UGT1A7: variants seen among roughly 807,000 people sequenced by gnomAD.
UGT1A7 encodes UDP glucuronosyltransferase family 1 member A7, also known as UDP-glucuronosyltransferase 1A7.
In UGT1A7, 33 loss-of-function variants were observed where a neutral mutation model predicts 45.6. That is an observed-to-expected ratio of 0.72 (90% CI 0.55 to 0.97). UGT1A7 has a LOEUF of 0.97. Among genes scored for constraint, UGT1A7 ranks in the 50% least tolerant of loss-of-function variants. The pLI is 0.00. For missense variants in UGT1A7, 684 were observed against 666.2 expected, an observed-to-expected ratio of 1.03 and a Z score of -0.29; for synonymous variants, 274 against 250.6, an observed-to-expected ratio of 1.09 and a Z score of -0.88.
At chr2:233,759,870 C>G (rs1487937360) in intron 1 of UGT1A7, among the ~76,000 whole-genome samples, 1 of 152,172 alleles carries the variant, frequency 6.6e-6, no homozygotes, top group African/African-American at 2.4e-5. Context: ...AGCGGGGGTA[C>G]AGTTGTGTTC....
intron 1 of UGT1A7, chr2:233,717,940 C>T: frequency 2.2e-6 from 1 of 453,716 alleles, no homozygotes; most frequent in Non-Finnish European, 4.4e-6. Context: ...AGTCTCTATG[C>T]AGACTTGCAG....
Position 233,768,428 on chromosome 2 carries a change from C to T in UGT1A7, c.1284C>T (p.Ile428=), listed in dbSNP as rs1559415864. The T allele has an allele frequency of 6.2e-7, 1 of 1,613,856 alleles. No homozygotes were observed. Among genetic ancestry groups the T allele is most frequent in the Non-Finnish European group, 8.5e-7 (1 of 1,179,916 alleles). ...TAGAAAATGCTCTAAAAGCAGTCATCAATGACAAAAGGTAAGAAAGAAGAT... is the reference window on the plus strand; with the variant it reads ...TAGAAAATGCTCTAAAAGCAGTCATTAATGACAAAAGGTAAGAAAGAAGAT... ...EDLENALKAV[I]NDKSYKENIM... is the part of the protein sequence containing the mutation. The change falls in exon 4 of 5, where the codon ATC becomes ATT. Residue 428 remains isoleucine, a synonymous_variant. Coordinates refer to ENST00000373426, the MANE Select transcript of UGT1A7 (RefSeq NM_019077.3).
chr2:233,767,285 T>C (rs1440125583), intron 2 of UGT1A7, 120 bp downstream of exon 2: 1 of 1,569,258 alleles, frequency 6.4e-7, no homozygotes, highest in Non-Finnish European at 8.6e-7. Flanking sequence ...CCCTGCCACT[T>C]CCCAACTATT....
intron 1 of UGT1A7, among the ~76,000 whole-genome samples, chr2:233,763,394 A>G (rs567930530): frequency 6.6e-6 from 1 of 152,328 alleles, no homozygotes; most frequent in South Asian, 2.1e-4. Context: ...TTTAAACAAC[A>G]TGGCACTGGT....
chr2:233,763,329 T>A (rs752568926), intron 1 of UGT1A7, among the ~76,000 whole-genome samples: 30 of 152,234 alleles, frequency 2.0e-4, no homozygotes, highest in Non-Finnish European at 3.5e-4. Context: ...ATTATTTTTG[T>A]TTACATTTCC....
At position 233,682,241 on chromosome 2, in the gene UGT1A7, T is replaced by C. The variant is rs765671686; in HGVS notation, c.304T>C (p.Leu102=). Residue 102 remains leucine (L), a synonymous_variant, in exon 1 of 5, where the codon TTG becomes CTG. Transcript: ENST00000373426. The part of the protein sequence containing the change: ...VFADARWTAP[L]RSAFSLLTSS... ...TGCCGATGCTCGCTGGACGGCACCA[T>C]TGCGAAGTGCATTTTCTCTATTAAC... 15 of 1,614,092 alleles carry C rather than the reference T, an allele frequency of 9.3e-6. No individual in the cohort carries two copies. Among genetic ancestry groups the C allele is most frequent in the Admixed American group, 5.0e-5 (3 of 60,004 alleles).
Position 233,725,052 on chromosome 2 carries a change from C to T in UGT1A7, c.856-41982C>T, listed in dbSNP as rs575446926. ...CTCCACCAAAACCAGTCAGGCGTGG[C>T]GGCGCGCGCCTGCAATCGCAGGCAC... On this transcript the variant is annotated intron_variant, in intron 1 of 4. Coordinates refer to ENST00000373426, the MANE Select transcript of UGT1A7 (RefSeq NM_019077.3). Among the ~76,000 whole-genome samples the T allele has an allele frequency of 7.1e-4, 105 of 147,652 alleles. 7 individuals are homozygous for T. The highest frequency in any genetic ancestry group is 1.2e-3 in the Non-Finnish European group (79 of 67,134).
At chr2:233,717,640 C>T (rs1343576181) in intron 1 of UGT1A7, among the ~76,000 whole-genome samples, 19 of 152,200 alleles carry the variant, frequency 1.2e-4, no homozygotes, top group South Asian at 2.1e-4. Flanking sequence ...CATCCTGGGG[C>T]GACCAGGACA....
rs367606596 is a variant in UGT1A7 at position 233,687,017 on chromosome 2, A to C, written c.855+4225A>C. Among the ~76,000 whole-genome samples, 81 of 152,288 alleles carry C rather than the reference A, an allele frequency of 5.3e-4. 1 individual carries two copies. In the East Asian group the frequency reaches 7.7e-3, roughly 15 times the overall value. Reference sequence around the variant, plus strand: ...GGTTTCAACACTAGAGGACTTTAGGAGGTGGTTCAATGTAGTGTTTGAGCA... The same window carrying C: ...GGTTTCAACACTAGAGGACTTTAGGCGGTGGTTCAATGTAGTGTTTGAGCA... On this transcript the variant is annotated intron_variant, in intron 1 of 4. Transcript: ENST00000373426.
At chr2:233,701,340 TG>T (rs1387825061) in intron 1 of UGT1A7, among the ~76,000 whole-genome samples, 2 of 151,724 alleles carry the variant, frequency 1.3e-5, no homozygotes, top group East Asian at 3.9e-4. Context: ...CCACCAACAG[TG>T]TAAAAGTTCT....
intron 1 of UGT1A7, chr2:233,754,454 C>T: frequency 5.6e-6 from 2 of 355,014 alleles, no homozygotes; most frequent in Admixed American, 3.8e-5. Context: ...TTCTTGGGTA[C>T]AGCTGTTCTG....
chr2:233,682,079 C>T lies in UGT1A7; in HGVS notation c.142C>T (p.Leu48Phe), dbSNP rs1575428068. 3.1e-6 allele frequency: 5 copies of T among 1,614,000 alleles called. No individual in the cohort carries two copies. In the South Asian group the frequency reaches 5.5e-5, roughly 18 times the overall value. Reference sequence around the variant, plus strand: ...CACCATGCAGTCGGTGGTGGAGAAACTCATCCTCAGGGGGCATGAGGTGGT... The same window carrying T: ...CACCATGCAGTCGGTGGTGGAGAAATTCATCCTCAGGGGGCATGAGGTGGT... ...WFTMQSVVEK[L>F]ILRGHEVVVV... The change falls in exon 1 of 5, where the codon CTC becomes TTC. Residue 48 changes from leucine (L) to phenylalanine (F), a missense_variant. Leu to Phe is a conservative substitution (Grantham distance 22). Coordinates refer to ENST00000373426, the MANE Select transcript of UGT1A7 (RefSeq NM_019077.3).
intron 1 of UGT1A7, among the ~76,000 whole-genome samples, chr2:233,709,931 C>G (rs1011660132): frequency 3.3e-5 from 5 of 151,878 alleles, no homozygotes; most frequent in African/African-American, 1.2e-4. Flanking sequence ...CTTAGGCAAC[C>G]CTGGATGGTT....
At chr2:233,685,553 A>G (rs1031439132) in intron 1 of UGT1A7, among the ~76,000 whole-genome samples, 1 of 152,206 alleles carries the variant, frequency 6.6e-6, no homozygotes, top group Non-Finnish European at 1.5e-5. Flanking sequence ...TTTTTGATCC[A>G]AATTCAAATT....
chr2:233,747,124 G>A, intron 1 of UGT1A7: 2 of 1,489,224 alleles, frequency 1.3e-6, no homozygotes, highest in Non-Finnish European at 1.8e-6. Flanking sequence ...TTTGCTAAGT[G>A]GCTCAGTGAC....
chr2:233,755,319 C>T (rs776967353), intron 1 of UGT1A7: 53 of 507,946 alleles, frequency 1.0e-4, no homozygotes, highest in Non-Finnish European at 1.5e-4. Context: ...AGCGGCAAGG[C>T]TGCCAGCACC....
In UGT1A7 at chr2:233,682,602, A is replaced by AT. The variant is rs1476036720; in HGVS notation, c.671dup (p.Lys225GlnfsTer9). ...TTGGAGGAACATTTATTTTGCCCCT[A>AT]TTTTTTCAAAAATGTCTTAGAAATA... is the stretch of plus-strand genomic sequence containing the variant. On this transcript the variant is annotated frameshift_variant, in exon 1 of 5. Coordinates refer to ENST00000373426, the MANE Select transcript of UGT1A7 (RefSeq NM_019077.3). LOFTEE classifies it high-confidence loss of function. 1 of 1,613,674 alleles carries AT rather than the reference A, an allele frequency of 6.2e-7. No individual in the cohort carries two copies. The highest frequency in any genetic ancestry group is 1.3e-5 in the African/African-American group (1 of 74,856).
chr2:233,704,256 C>CTTTTTTTTTTT (rs59925871), intron 1 of UGT1A7, among the ~76,000 whole-genome samples: 4 of 123,654 alleles, frequency 3.2e-5, no homozygotes, highest in Non-Finnish European at 6.5e-5. Flanking sequence ...GCCTTTATTG[C>CTTTTTTTTTTT]TTTTTTTTTT....
At chr2:233,746,793 T>G (rs1030985091) in intron 1 of UGT1A7, among the ~76,000 whole-genome samples, 4 of 151,826 alleles carry the variant, frequency 2.6e-5, no homozygotes, top group Non-Finnish European at 4.4e-5. Context: ...TTGTAATTCA[T>G]GAGCGTGAAT....
Sources: allele counts gnomAD v4.1 joint callset (sites outside exome capture counted in the v4.1 genomes callset), GRCh38; gene constraint gnomAD v4.1.1; transcripts MANE v1.5; gene names NCBI Gene and HGNC (gene_info 2026-07-23, HGNC 2026-07-21).